USP10: variants seen among roughly 807,000 people sequenced by gnomAD.
The protein encoded by USP10 is ubiquitin carboxyl-terminal hydrolase 10.
In USP10, 22 loss-of-function variants were observed where a neutral mutation model predicts 84.5. That is an observed-to-expected ratio of 0.26 (90% CI 0.19 to 0.37). The LOEUF (loss-of-function observed/expected upper bound fraction) is 0.37, where lower values mean the gene tolerates loss of function less well. USP10 is among the 10% of genes least tolerant of loss of function. USP10 has a pLI of 1.00. For synonymous variants in USP10, 454 were observed against 387.6 expected, an observed-to-expected ratio of 1.17 and a Z score of -2.01; for missense variants, 1,019 against 998.9, an observed-to-expected ratio of 1.02 and a Z score of -0.27.
At chr16:84,774,689 C>T (rs1021619711) in intron 12 of USP10, among the ~76,000 whole-genome samples, 1 of 152,128 alleles carries the variant, frequency 6.6e-6, no homozygotes, top group Non-Finnish European at 1.5e-5. Flanking sequence ...CCAGGATGGT[C>T]TCGATCTCCT....
chr16:84,776,788 C>G (rs1217700078), intron 13 of USP10, among the ~76,000 whole-genome samples: 1 of 152,166 alleles, frequency 6.6e-6, no homozygotes, highest in Non-Finnish European at 1.5e-5. Flanking sequence ...GGTTGCTCTC[C>G]CCTGCCCTCC....
At position 84,748,102 on chromosome 16, in the gene USP10, C is replaced by G. The variant is rs1447446794; in HGVS notation, c.1192+2429C>G. On this transcript the variant is annotated intron_variant, in intron 4 of 13. Transcript: ENST00000219473. ...CTGGGAGGCGGAGCTTGCAGTGAGCCGAGATGGCGCCAGTGCACTCCAGCC... is the reference window on the plus strand; with the variant it reads ...CTGGGAGGCGGAGCTTGCAGTGAGCGGAGATGGCGCCAGTGCACTCCAGCC... 5.4e-5 allele frequency among the ~76,000 whole-genome samples: 7 copies of G among 129,380 alleles called. No individual in the cohort carries two copies. The South Asian group carries it at 1.9e-3, about 35-fold the overall frequency. The allele number at this position is 129,380 out of a possible 152,430, so 84.9% of individuals were successfully genotyped here. A position where few individuals can be genotyped will look rare whatever the true frequency, so the allele number is the denominator to read the frequency against.
chr16:84,737,810 G>T (rs1910124826), intron 2 of USP10, among the ~76,000 whole-genome samples: 1 of 152,224 alleles, frequency 6.6e-6, no homozygotes. Flanking sequence ...TTGAGGAGCA[G>T]GATGTGTGCC....
rs1915368624 is a variant in USP10 at position 84,779,695 on chromosome 16, A to G, written c.*613A>G. On this transcript the variant is annotated 3_prime_UTR_variant, in exon 14 of 14. Coordinates refer to ENST00000219473, the MANE Select transcript of USP10 (RefSeq NM_005153.3). Reference sequence around the variant, plus strand: ...GGAGTTAAAATGTTAGTCTACATAGATGGGTGATTGTAACTTTATTGCCAT... The same window carrying G: ...GGAGTTAAAATGTTAGTCTACATAGGTGGGTGATTGTAACTTTATTGCCAT... 6.5e-6 allele frequency: 1 copy of G among 152,730 alleles called. No homozygotes were observed. The highest frequency in any genetic ancestry group is 2.4e-5 in the African/African-American group (1 of 41,462). 9.5% of individuals were successfully genotyped at this position (152,730 alleles called of 1,614,324 possible).
chr16:84,759,183 C>T (rs143713938), intron 5 of USP10, 180 bp from the exon 6 acceptor site: 134 of 631,138 alleles, frequency 2.1e-4, no homozygotes, highest in African/African-American at 1.9e-3. Flanking sequence ...CTTATATGGA[C>T]ATCACAGGAC....
chr16:84,716,798 C>T (rs1002334231), intron 1 of USP10, among the ~76,000 whole-genome samples: 2 of 152,184 alleles, frequency 1.3e-5, no homozygotes, highest in African/African-American at 2.4e-5. Context: ...TTATATACAC[C>T]TTACAATTAC....
At chr16:84,770,379 G>A (rs1914304067) in intron 11 of USP10, among the ~76,000 whole-genome samples, 1 of 152,102 alleles carries the variant, frequency 6.6e-6, no homozygotes, top group African/African-American at 2.4e-5. Flanking sequence ...TAGATCAGAA[G>A]TATTTTTCTG....
chr16:84,759,509 G>T (rs767161297), intron 6 of USP10, 37 bp downstream of exon 6: 2 of 1,562,304 alleles, frequency 1.3e-6, no homozygotes, highest in Non-Finnish European at 1.8e-6. Flanking sequence ...AAGTGGTGGG[G>T]TTTTTCCCGT....
rs749796171 is a variant in USP10 at position 84,701,934 on chromosome 16, C to CTTTTTTT, written c.21+1825_21+1826insTTTTTTT. On this transcript the variant is annotated intron_variant, in intron 1 of 13. Transcript: ENST00000219473. ...TAGTTTGATTTCTCATAATTTTCTT[C>CTTTTTTT]TTCTTTTTTTTTTTTTTTTTGAGTT... Among the ~76,000 whole-genome samples the CTTTTTTT allele has an allele frequency of 7.6e-5, 7 of 92,704 alleles. 2 individuals carry two copies. Among genetic ancestry groups the CTTTTTTT allele is most frequent in the Non-Finnish European group, 1.1e-4 (5 of 46,000 alleles). 60.8% of individuals were successfully genotyped at this position (92,704 alleles called of 152,430 possible).
chr16:84,748,704 T>A (rs1911546820), intron 4 of USP10, among the ~76,000 whole-genome samples: 1 of 152,228 alleles, frequency 6.6e-6, no homozygotes, highest in South Asian at 2.1e-4. Flanking sequence ...AAGAAAAGCT[T>A]CATTTAAAAT....
At chr16:84,702,061 T>A (rs1318260660) in intron 1 of USP10, among the ~76,000 whole-genome samples, 1 of 131,824 alleles carries the variant, frequency 7.6e-6, no homozygotes, top group East Asian at 2.1e-4. Flanking sequence ...TTTTTTTTTT[T>A]TTTTTTTTTT....
intron 1 of USP10, among the ~76,000 whole-genome samples, chr16:84,706,022 T>G (rs1186777291): frequency 2.0e-5 from 3 of 152,082 alleles, no homozygotes; most frequent in Non-Finnish European, 4.4e-5. Context: ...GCCCCCAGCA[T>G]CCCTACTCAT....
At chr16:84,721,292 G>A (rs12149617) in intron 1 of USP10, among the ~76,000 whole-genome samples, 97,833 of 151,986 alleles carry the variant, frequency 0.64, 32,122 homozygotes, top group East Asian at 0.95. Context: ...CTACAAATAG[G>A]GTGTACTGAA....
rs1224237441 is a variant in USP10 at position 84,779,505 on chromosome 16, T to G, written c.*423T>G. ...CATCACACTTTTCTTCCCTACCCTT[T>G]AGTTTTTGATAAATGATAAAAATGA... On this transcript the variant is annotated 3_prime_UTR_variant, in exon 14 of 14. Coordinates refer to ENST00000219473, the MANE Select transcript of USP10 (RefSeq NM_005153.3). 2 of 153,596 alleles carry G rather than the reference T, an allele frequency of 1.3e-5. No homozygotes were observed. Among genetic ancestry groups the G allele is most frequent in the Admixed American group, 6.5e-5 (1 of 15,318 alleles). The allele number at this position is 153,596 out of a possible 1,614,324, so 9.5% of individuals were successfully genotyped here.
intron 2 of USP10, among the ~76,000 whole-genome samples, chr16:84,739,969 A>C (rs754148551): frequency 3.9e-5 from 6 of 152,222 alleles, no homozygotes; most frequent in Non-Finnish European, 8.8e-5. Flanking sequence ...TGTGGTCTGG[A>C]TGGTCAGTCA....
intron 1 of USP10, among the ~76,000 whole-genome samples, chr16:84,712,453 C>T (rs1448956888): frequency 6.6e-6 from 1 of 152,194 alleles, no homozygotes; most frequent in Non-Finnish European, 1.5e-5. Flanking sequence ...AGTGGGCACT[C>T]AGGTGTTTGT....
intron 12 of USP10, among the ~76,000 whole-genome samples, chr16:84,774,798 A>G (rs1436871661): frequency 1.3e-5 from 2 of 152,170 alleles, no homozygotes; most frequent in Non-Finnish European, 2.9e-5. Flanking sequence ...TCTGACGCAT[A>G]TGTAAAATTT....
chr16:84,724,378 C>G (rs899477123), intron 1 of USP10, among the ~76,000 whole-genome samples: 3 of 152,120 alleles, frequency 2.0e-5, no homozygotes, highest in Non-Finnish European at 4.4e-5. Context: ...CTGTTAAAAA[C>G]CATACTTTGA....
intron 4 of USP10, among the ~76,000 whole-genome samples, chr16:84,753,916 T>G (rs1157259806): frequency 6.6e-6 from 1 of 152,084 alleles, no homozygotes; most frequent in Non-Finnish European, 1.5e-5. Context: ...GGCAGCTGTT[T>G]GTAGGGAGAA....
Sources: gnomAD v4.1 joint callset for allele counts (sites outside exome capture counted in the v4.1 genomes callset) on GRCh38, gnomAD v4.1.1 for gene constraint, MANE v1.5 for transcripts, NCBI Gene and HGNC (gene_info 2026-07-23, HGNC 2026-07-21) for gene names.